The following TNRC6A variants were observed in gnomAD, a reference collection of about 807,000 sequenced individuals.
The protein encoded by TNRC6A is trinucleotide repeat-containing gene 6A protein.
A neutral mutation model predicts 221.2 loss-of-function variants in TNRC6A; 44 were observed. The observed-to-expected ratio is 0.20, with a 90% CI of 0.16 to 0.26. The LOEUF (loss-of-function observed/expected upper bound fraction) is 0.26. Ranked by LOEUF, TNRC6A falls within the 10% of genes least tolerant of loss-of-function variation. The probability of loss-of-function intolerance (pLI) is 1.00; values close to 1 mark genes in which losing one functional copy is unlikely to be tolerated. For missense variants in TNRC6A, 2,199 were observed against 2,404.4 expected (o/e 0.91, Z 1.79); for synonymous variants, 847 against 838.5 (o/e 1.01, Z -0.18).
chr16:24,675,692 CTCTCTCTCTCTATATATATATATA>C (rs1185924630), intron 2 of TNRC6A, among the ~76,000 whole-genome samples: 117 of 85,792 alleles, frequency 1.4e-3, no homozygotes, highest in African/African-American at 3.4e-3. Context: ...CTCTCTCTCT[CTCTCTCTCTCTATATATATATATA>C]TATATATATA....
At chr16:24,704,269 T>C (rs1259759428) in intron 2 of TNRC6A, among the ~76,000 whole-genome samples, 1 of 151,982 alleles carries the variant, frequency 6.6e-6, no homozygotes, top group Non-Finnish European at 1.5e-5. Context: ...AATTTTTGTA[T>C]TTGGTAGAGA....
rs1421944286 is a variant in TNRC6A at position 24,806,541 on chromosome 16, A to G, written c.4330-33A>G. On this transcript the variant is annotated intron_variant, in intron 16 of 24. Transcript: ENST00000395799. Reference sequence around the variant, plus strand: ...GTTTTCTGTAAAGACGTTTTCCCCCAGTAATTTTTTCCAATCATTTCATTG... The same window carrying G: ...GTTTTCTGTAAAGACGTTTTCCCCCGGTAATTTTTTCCAATCATTTCATTG... 2.5e-6 allele frequency: 4 copies of G among 1,610,284 alleles called. No individual in the cohort carries two copies. In the South Asian group the frequency reaches 3.3e-5, roughly 13 times the overall value.
intron 1 of TNRC6A, among the ~76,000 whole-genome samples, chr16:24,638,332 T>C (rs1301144347): frequency 6.6e-6 from 1 of 152,048 alleles, no homozygotes; most frequent in Non-Finnish European, 1.5e-5. Context: ...GTGGGAGGAT[T>C]GCTTGAACCT....
intron 5 of TNRC6A, among the ~76,000 whole-genome samples, chr16:24,780,717 A>G (rs1006461505): frequency 2.6e-5 from 4 of 151,580 alleles, no homozygotes; most frequent in Non-Finnish European, 4.4e-5. Context: ...AGTATATTTT[A>G]TATTACTCTT....
Position 24,749,046 on chromosome 16 carries a change from T to C in TNRC6A, c.54-1680T>C, listed in dbSNP as rs113828349. Among the ~76,000 whole-genome samples the C allele has an allele frequency of 2.5e-4, 38 of 152,246 alleles. 1 individual carries two copies. Among genetic ancestry groups the C allele is most frequent in the African/African-American group, 3.1e-4 (13 of 41,548 alleles). ...CCCGCCACCACGCCCCTGCCTGATA[T>C]TCTTAGTGTCCCCTCTGGAAAGCTT... On this transcript the variant is annotated intron_variant, in intron 2 of 24. Transcript: ENST00000395799.
intron 2 of TNRC6A, among the ~76,000 whole-genome samples, chr16:24,723,093 G>A (rs546525594): frequency 6.6e-6 from 1 of 152,210 alleles, no homozygotes; most frequent in East Asian, 1.9e-4. Context: ...GAGATATTAC[G>A]TGGGCCCATT....
intron 2 of TNRC6A, among the ~76,000 whole-genome samples, chr16:24,700,175 A>C (rs1161497717): frequency 1.3e-5 from 2 of 152,030 alleles, no homozygotes; most frequent in Non-Finnish European, 2.9e-5. Context: ...CGGGAGGATC[A>C]CTCAAAGGCC....
intron 2 of TNRC6A, among the ~76,000 whole-genome samples, chr16:24,653,687 C>T (rs1902791229): frequency 6.6e-6 from 1 of 150,946 alleles, no homozygotes; most frequent in African/African-American, 2.4e-5. Context: ...GGCTGAAGCA[C>T]GAGAATCACT....
At chr16:24,766,212 C>G (rs1328000655) in intron 4 of TNRC6A, among the ~76,000 whole-genome samples, 1 of 152,134 alleles carries the variant, frequency 6.6e-6, no homozygotes, top group Non-Finnish European at 1.5e-5. Context: ...TAAATTTCAC[C>G]TCTGCCATTT....
At chr16:24,776,803 A>ATCCC in intron 4 of TNRC6A, 130 bp from the exon 5 acceptor site, 1 of 1,486,688 alleles carries the variant, frequency 6.7e-7, no homozygotes, top group Admixed American at 2.5e-5. Context: ...AAATGAGGAT[A>ATCCC]TCCCTGCTCA....
chr16:24,707,619 A>G (rs2056122181), intron 2 of TNRC6A, among the ~76,000 whole-genome samples: 2 of 152,232 alleles, frequency 1.3e-5, no homozygotes, highest in South Asian at 4.1e-4. Flanking sequence ...TAGTTTTTAA[A>G]TTGGGCAAAG....
chr16:24,807,445 A>G (rs1263573908), intron 17 of TNRC6A, among the ~76,000 whole-genome samples: 1 of 152,264 alleles, frequency 6.6e-6, no homozygotes, highest in Non-Finnish European at 1.5e-5. Context: ...TGTTCTTATT[A>G]GAAACAGTAC....
At position 24,660,988 on chromosome 16, in the gene TNRC6A, A is replaced by G. The variant is rs557498732; in HGVS notation, n.402+19979A>G. On this transcript the variant is annotated intron_variant and non_coding_transcript_variant, in intron 2 of 2. Transcript: ENST00000566108. ...GATCTCCTGACCTCGTGATCCACCCATCTCGGCCTCCCAAAGTGCTGGGAT... is the reference window on the plus strand; with the variant it reads ...GATCTCCTGACCTCGTGATCCACCCGTCTCGGCCTCCCAAAGTGCTGGGAT... Among the ~76,000 whole-genome samples, 580 of 151,872 alleles carry G rather than the reference A, an allele frequency of 3.8e-3. 4 individuals are homozygous for G. The highest frequency in any genetic ancestry group is 0.013 in the African/African-American group (539 of 41,436).
chr16:24,687,884 C>G (rs71375680), intron 2 of TNRC6A, among the ~76,000 whole-genome samples: 3 of 111,974 alleles, frequency 2.7e-5, no homozygotes, highest in Admixed American at 9.4e-5. Context: ...GAAGAAGAAG[C>G]AGCTTATTCC....
At chr16:24,611,579 G>A (rs1164676974) in intron 1 of TNRC6A, among the ~76,000 whole-genome samples, 4 of 152,160 alleles carry the variant, frequency 2.6e-5, no homozygotes, top group East Asian at 1.9e-4. Context: ...TGCTGGATGC[G>A]CTCGGGCATC....
At chr16:24,776,276 G>C (rs1720260752) in intron 4 of TNRC6A, 1 of 984,890 alleles carries the variant, frequency 1.0e-6, no homozygotes, top group African/African-American at 1.7e-5. Context: ...TTATTTTTCA[G>C]ATTTAAGATA....
chr16:24,763,692 T>C (rs940165999), intron 4 of TNRC6A, among the ~76,000 whole-genome samples: 4 of 152,222 alleles, frequency 2.6e-5, no homozygotes, highest in East Asian at 3.8e-4. Context: ...TTTTATGCAA[T>C]GTTATGGTCA....
intron 2 of TNRC6A, among the ~76,000 whole-genome samples, chr16:24,723,599 A>AAG (rs2056447890): frequency 6.6e-6 from 1 of 151,732 alleles, no homozygotes. Context: ...GTCAAAAAAA[A>AAG]AAAAAAAGTC....
intron 2 of TNRC6A, among the ~76,000 whole-genome samples, chr16:24,688,767 C>A (rs1296383857): frequency 2.6e-5 from 4 of 152,128 alleles, no homozygotes; most frequent in Non-Finnish European, 5.9e-5. Context: ...AGGAATGAAA[C>A]CTATATAGGA....
Sources: gnomAD v4.1 joint callset for allele counts (sites outside exome capture counted in the v4.1 genomes callset) on GRCh38, gnomAD v4.1.1 for gene constraint, MANE v1.5 for transcripts, NCBI Gene and HGNC (gene_info 2026-07-23, HGNC 2026-07-21) for gene names.